MSI2: variants seen among roughly 807,000 people sequenced by gnomAD.
The protein encoded by MSI2 is musashi RNA binding protein 2, also known as RNA-binding protein Musashi homolog 2.
In MSI2, 17 loss-of-function variants were observed where a neutral mutation model predicts 45.6. That is an observed-to-expected ratio of 0.37 (90% CI 0.26 to 0.56). The LOEUF (loss-of-function observed/expected upper bound fraction) is 0.56, where lower values mean the gene tolerates loss of function less well. MSI2 is among the 20% of genes least tolerant of loss of function. The pLI is 0.77. For missense variants in MSI2, 293 were observed against 444.2 expected (o/e 0.66, Z 3.06); for synonymous variants, 156 against 158.2 (o/e 0.99, Z 0.11).
intron 9 of MSI2, among the ~76,000 whole-genome samples, chr17:57,624,122 G>T (rs1421880769): frequency 1.3e-5 from 2 of 152,182 alleles, no homozygotes; most frequent in Admixed American, 1.3e-4. Context: ...TAATTGCATT[G>T]TATTTGTCAC....
chr17:57,692,744 C>G, the MSI2 span, among the ~76,000 whole-genome samples: 6 of 152,000 alleles, frequency 3.9e-5, no homozygotes, highest in African/African-American at 1.2e-4. Flanking sequence ...TGTTTCTTTT[C>G]AGTACTTTAA....
intron 6 of MSI2, among the ~76,000 whole-genome samples, chr17:57,427,057 T>C (rs1184113001): frequency 6.6e-6 from 1 of 152,218 alleles, no homozygotes; most frequent in Non-Finnish European, 1.5e-5. Context: ...TTCGAAGGTT[T>C]CTCATTGAGA....
intron 6 of MSI2, among the ~76,000 whole-genome samples, chr17:57,528,348 A>T (rs1255558944): frequency 6.6e-6 from 1 of 152,152 alleles, no homozygotes; most frequent in African/African-American, 2.4e-5. Context: ...CTTGAGCTCT[A>T]CGTGGGAGTT....
chr17:57,681,805 AC>A lies in MSI2; in HGVS notation c.*2289del. ...CTTGTTCAAGTCATAAAACAACAAA[AC>A]ATAAGTTTTATTTAAAAAAAAAAAA... On this transcript the variant is annotated 3_prime_UTR_variant, in exon 14 of 14. Coordinates refer to ENST00000284073, the MANE Select transcript of MSI2 (RefSeq NM_138962.4). The A allele has an allele frequency of 6.8e-6, 1 of 147,358 alleles. No homozygotes were observed. The highest frequency in any genetic ancestry group is 1.4e-5 in the Non-Finnish European group (1 of 71,498). 9.1% of individuals were successfully genotyped at this position (147,358 alleles called of 1,614,324 possible). A position where few individuals can be genotyped will look rare whatever the true frequency, so the allele number is the denominator to read the frequency against.
intron 5 of MSI2, among the ~76,000 whole-genome samples, chr17:57,349,533 A>G (rs1915856625): frequency 6.6e-6 from 1 of 152,222 alleles, no homozygotes; most frequent in South Asian, 2.1e-4. Context: ...TGTGTATGTC[A>G]ATTATATGTA....
At chr17:57,633,124 C>A (rs957860123) in intron 10 of MSI2, 5 of 1,026,154 alleles carry the variant, frequency 4.9e-6, no homozygotes, top group Admixed American at 1.2e-4. Flanking sequence ...TCCCTGATGA[C>A]GTTTTATTTT....
At chr17:57,600,766 A>C (rs11657463) in intron 8 of MSI2, 16,146 of 152,184 alleles carry the variant, frequency 0.11, 946 homozygotes, top group East Asian at 0.17. Flanking sequence ...ACCCCACATG[A>C]CACCCTTTCA....
At chr17:57,279,783 C>T (rs138306654) in intron 5 of MSI2, 18 of 152,118 alleles carry the variant, frequency 1.2e-4, no homozygotes, top group South Asian at 2.1e-4. Context: ...TAGCTAGGAC[C>T]GCAGGCACAC....
At chr17:57,349,166 G>T (rs763613674) in intron 5 of MSI2, among the ~76,000 whole-genome samples, 1 of 152,202 alleles carries the variant, frequency 6.6e-6, no homozygotes, top group Non-Finnish European at 1.5e-5. Flanking sequence ...GAGGACTCCA[G>T]GCTCTCGTCT....
the MSI2 span, among the ~76,000 whole-genome samples, chr17:57,697,153 C>CACATACACACACACACTCAT: frequency 1.3e-5 from 2 of 151,052 alleles, no homozygotes; most frequent in Admixed American, 1.3e-4. Context: ...GACACACACA[C>CACATACACACACACACTCAT]ACACACACAC....
At chr17:57,410,326 C>T (rs2084171896) in intron 6 of MSI2, among the ~76,000 whole-genome samples, 1 of 152,120 alleles carries the variant, frequency 6.6e-6, no homozygotes, top group African/African-American at 2.4e-5. Flanking sequence ...AACTTCATAC[C>T]TGTTTACATT....
chr17:57,359,261 C>T (rs968615117), intron 5 of MSI2, among the ~76,000 whole-genome samples: 8 of 152,118 alleles, frequency 5.3e-5, no homozygotes, highest in Admixed American at 3.3e-4. Flanking sequence ...TGTTCCAACT[C>T]AATATGGGCA....
chr17:57,267,697 C>T (rs1275103697), intron 5 of MSI2: 2 of 151,812 alleles, frequency 1.3e-5, no homozygotes, highest in African/African-American at 4.8e-5. Flanking sequence ...CTGGGTTAAT[C>T]CTTGTTCATT....
intron 5 of MSI2, among the ~76,000 whole-genome samples, chr17:57,263,027 T>C (rs1358647403): frequency 6.6e-6 from 1 of 152,244 alleles, no homozygotes; most frequent in Non-Finnish European, 1.5e-5. Flanking sequence ...CTTCGGGATT[T>C]GTCATTCTTT....
rs538138673 is a variant in MSI2, at chr17:57,567,186, G to A, written c.455-29682G>A. Among the ~76,000 whole-genome samples, 39 of 152,266 alleles carry A rather than the reference G, an allele frequency of 2.6e-4. No homozygotes were observed. The South Asian group carries it at 3.7e-3, about 15-fold the overall frequency. ...TATCAACCAGTTGGAATATAGGCCC[G>A]GAGTATCGCAGGGAGTAATCTAATT... On this transcript the variant is annotated intron_variant, in intron 7 of 13. Transcript: ENST00000284073.
chr17:57,459,926 C>T (rs548817535), intron 6 of MSI2, among the ~76,000 whole-genome samples: 1 of 151,852 alleles, frequency 6.6e-6, no homozygotes, highest in African/African-American at 2.4e-5. Flanking sequence ...GTCAGGAGTT[C>T]GAGACCAGCC....
chr17:57,311,149 C>T (rs1415928865), intron 5 of MSI2, among the ~76,000 whole-genome samples: 1 of 152,176 alleles, frequency 6.6e-6, no homozygotes, highest in African/African-American at 2.4e-5. Context: ...CTTTCGGGTC[C>T]ATCCCACTGG....
chr17:57,486,638 C>T (rs1464343078), intron 6 of MSI2, among the ~76,000 whole-genome samples: 1 of 152,236 alleles, frequency 6.6e-6, no homozygotes, highest in South Asian at 2.1e-4. Flanking sequence ...TCTTGTTTTT[C>T]TTCTGGGTAG....
intron 5 of MSI2, among the ~76,000 whole-genome samples, chr17:57,328,318 C>T (rs528227617): frequency 1.1e-4 from 15 of 133,330 alleles, no homozygotes; most frequent in South Asian, 2.2e-4. Context: ...TCCATTTATC[C>T]ATCCATCCAT....
Sources: gnomAD v4.1 joint callset for allele counts (sites outside exome capture counted in the v4.1 genomes callset) on GRCh38, gnomAD v4.1.1 for gene constraint, MANE v1.5 for transcripts, NCBI Gene and HGNC (gene_info 2026-07-23, HGNC 2026-07-21) for gene names.